Variants in EPM2A observed in about 807,000 individuals in gnomAD.
The protein encoded by EPM2A is laforin.
EPM2A carries 21 observed loss-of-function variants against 26.5 expected under a neutral mutation model. That is an observed-to-expected ratio of 0.79 (90% confidence interval 0.56 to 1.14). The LOEUF (loss-of-function observed/expected upper bound fraction) is 1.14, where lower values mean the gene tolerates loss of function less well. EPM2A is among the 50% of genes most tolerant of loss of function. EPM2A has a pLI of 0.00. For missense variants in EPM2A, 458 were observed against 440.8 expected, an observed-to-expected ratio of 1.04 and a Z score of -0.35; for synonymous variants, 217 against 177.6, an observed-to-expected ratio of 1.22 and a Z score of -1.76.
intron 2 of EPM2A, chr6:145,641,169 T>C (rs1157337292): frequency 6.6e-6 from 1 of 152,180 alleles, no homozygotes; most frequent in Non-Finnish European, 1.5e-5. Context: ...GCCTATTATG[T>C]TGACTTGTGT....
intron 1 of EPM2A, among the ~76,000 whole-genome samples, chr6:145,731,595 G>A (rs1293733050): frequency 6.6e-6 from 1 of 152,150 alleles, no homozygotes; most frequent in Admixed American, 6.5e-5. Context: ...TGGACACAGA[G>A]AGGGGAACAT....
chr6:145,652,044 T>A (rs1336793118), intron 2 of EPM2A, among the ~76,000 whole-genome samples: 2 of 152,282 alleles, frequency 1.3e-5, no homozygotes. Context: ...CTAGGAGCTG[T>A]GGAGCTTCAA....
intron 4 of EPM2A, among the ~76,000 whole-genome samples, chr6:145,430,397 C>T (rs949247940): frequency 6.6e-5 from 10 of 151,816 alleles, no homozygotes; most frequent in Non-Finnish European, 1.3e-4. Flanking sequence ...GTCAGGAATT[C>T]GAGACCAGCC....
At chr6:145,392,773 G>A (rs149975828) in intron 4 of EPM2A, among the ~76,000 whole-genome samples, 139 of 152,100 alleles carry the variant, frequency 9.1e-4, no homozygotes, top group African/African-American at 2.7e-3. Flanking sequence ...AGATGTTAGC[G>A]GGACTATTTT....
chr6:145,404,766 G>A (rs1013689763), intron 4 of EPM2A, among the ~76,000 whole-genome samples: 5 of 152,058 alleles, frequency 3.3e-5, no homozygotes, highest in Non-Finnish European at 7.4e-5. Flanking sequence ...GTCACAATTT[G>A]CTTTGGGATT....
At chr6:145,583,588 G>T (rs546893947) in intron 2 of EPM2A, among the ~76,000 whole-genome samples, 2 of 152,300 alleles carry the variant, frequency 1.3e-5, no homozygotes, top group South Asian at 4.1e-4. Context: ...CGGGCGGGGT[G>T]GGGTGTGCCA....
chr6:145,589,464 G>A (rs1781240660), intron 2 of EPM2A, among the ~76,000 whole-genome samples: 1 of 152,262 alleles, frequency 6.6e-6, no homozygotes, highest in South Asian at 2.1e-4. Context: ...CGTGTTTAAT[G>A]AGAATTTGTC....
chr6:145,485,562 G>A (rs1003767537), intron 4 of EPM2A, among the ~76,000 whole-genome samples: 7 of 152,134 alleles, frequency 4.6e-5, no homozygotes, highest in African/African-American at 1.7e-4. Flanking sequence ...ACCTACAGAA[G>A]ATTAAATGTC....
chr6:145,490,231 C>T (rs1582794894), intron 4 of EPM2A: 1 of 1,204,170 alleles, frequency 8.3e-7, no homozygotes, highest in South Asian at 1.5e-5. Context: ...CTTGCATAAA[C>T]CACAAGTCAC....
chr6:145,708,143 G>A (rs1782331962), intron 1 of EPM2A, among the ~76,000 whole-genome samples: 1 of 152,178 alleles, frequency 6.6e-6, no homozygotes, highest in Non-Finnish European at 1.5e-5. Context: ...GTATCTGGTG[G>A]AAGAAATTTC....
At chr6:145,505,851 A>ATAAATG (rs1779965581) in intron 2 of EPM2A, among the ~76,000 whole-genome samples, 1 of 152,244 alleles carries the variant, frequency 6.6e-6, no homozygotes. Context: ...AATGAATGAA[A>ATAAATG]AAGTTAAAAT....
rs145451878 is a variant in EPM2A, at chr6:145,548,828, G to A, written c.341-46253C>T. Among the ~76,000 whole-genome samples the A allele has an allele frequency of 5.3e-5, 8 of 152,100 alleles. No homozygotes were observed. In the East Asian group the frequency reaches 1.4e-3, roughly 26 times the overall value. On this transcript the variant is annotated intron_variant, in intron 2 of 3. Coordinates refer to the EPM2A transcript ENST00000450221. ...AATAAATCAACAGCCTAATACATAC[G>A]TCTGCACTTTGGTGGTCTCAGTTCC...
At chr6:145,526,380 G>A (rs950360097) in intron 2 of EPM2A, among the ~76,000 whole-genome samples, 4 of 151,868 alleles carry the variant, frequency 2.6e-5, no homozygotes, top group African/African-American at 4.8e-5. Context: ...TTCTTTATAC[G>A]TCTAGTAGAA....
At chr6:145,590,535 C>T (rs1781259094) in intron 2 of EPM2A, among the ~76,000 whole-genome samples, 2 of 152,102 alleles carry the variant, frequency 1.3e-5, no homozygotes, top group African/African-American at 4.8e-5. Context: ...TTATAGATTA[C>T]TTCCCCTTCC....
chr6:145,505,517 A>C (rs926811292), intron 2 of EPM2A, among the ~76,000 whole-genome samples: 4 of 152,104 alleles, frequency 2.6e-5, no homozygotes, highest in African/African-American at 9.7e-5. Context: ...TATATTTTAA[A>C]ATTAAGATGT....
chr6:145,493,428 C>T (rs555292034), intron 4 of EPM2A, among the ~76,000 whole-genome samples: 42 of 152,254 alleles, frequency 2.8e-4, no homozygotes, highest in East Asian at 1.7e-3. Context: ...TCATGTCATC[C>T]GCAAACAGAG....
intron 2 of EPM2A, among the ~76,000 whole-genome samples, chr6:145,672,926 T>C (rs1369184561): frequency 6.6e-6 from 1 of 152,176 alleles, no homozygotes; most frequent in African/African-American, 2.4e-5. Context: ...GATCATGTAG[T>C]CACACACCCA....
Position 145,546,131 on chromosome 6 carries a change from CT to C in EPM2A, c.341-43557del, listed in dbSNP as rs200943991. ...TATCTGTCATCTGCAAGCTGCAGAA[CT>C]AGGGATGCCAGTGGCATAGCCCAGT... On this transcript the variant is annotated intron_variant, in intron 2 of 3. Transcript: ENST00000450221. Among the ~76,000 whole-genome samples, 5 of 152,240 alleles carry C rather than the reference CT, an allele frequency of 3.3e-5. No individual in the cohort carries two copies. In the East Asian group the frequency reaches 9.7e-4, roughly 29 times the overall value.
At chr6:145,500,205 TAG>T (rs1294771044), downstream of EPM2A, among the ~76,000 whole-genome samples, 1 of 152,182 alleles carries the variant, frequency 6.6e-6, no homozygotes, top group Non-Finnish European at 1.5e-5. Flanking sequence ...TCCAACTATT[TAG>T]AGAGAGAGTC....
Sources: allele counts gnomAD v4.1 joint callset (sites outside exome capture counted in the v4.1 genomes callset), GRCh38; gene constraint gnomAD v4.1.1; transcripts MANE v1.5; gene names NCBI Gene and HGNC (gene_info 2026-07-23, HGNC 2026-07-21).